The following ARIH1 variants were observed in gnomAD, a reference collection of about 807,000 sequenced individuals.
ARIH1 encodes the protein ariadne RBR E3 ubiquitin protein ligase 1, also known as E3 ubiquitin-protein ligase ARIH1.
In ARIH1, 8 loss-of-function variants were observed where a neutral mutation model predicts 85.0. The observed-to-expected ratio is 0.09, with a 90% CI of 0.06 to 0.17. ARIH1 has a LOEUF of 0.17. Ranked by LOEUF, ARIH1 falls within the 10% of genes least tolerant of loss-of-function variation. The pLI is 1.00. For missense variants in ARIH1, 311 were observed against 718.1 expected (o/e 0.43, Z 6.48); for synonymous variants, 238 against 253.6 (o/e 0.94, Z 0.59).
At chr15:72,496,119 G>A (rs1447324480) in intron 1 of ARIH1, among the ~76,000 whole-genome samples, 1 of 152,054 alleles carries the variant, frequency 6.6e-6, no homozygotes, top group African/African-American at 2.4e-5. Context: ...GCCCAGGCTA[G>A]TCTCAAACTC....
chr15:72,550,151 A>G (rs1299245095), intron 3 of ARIH1, among the ~76,000 whole-genome samples: 1 of 152,176 alleles, frequency 6.6e-6, no homozygotes, highest in African/African-American at 2.4e-5. Context: ...TTATTTTTCT[A>G]ACTTGTTTAA....
At position 72,544,919 on chromosome 15, in the gene ARIH1, A is replaced by C; in HGVS notation, c.543A>C (p.Ala181=). ...RTRQMNTRSS[A]QDMPCQICYL... is the part of the protein sequence containing the mutation. ...GCCAGATGAATACAAGGTCATCAGC[A>C]CAGGATATGCCTTGTCAGATCTGCT... The change falls in exon 3 of 14, where the codon GCA becomes GCC. Residue 181 remains alanine, a synonymous_variant. Transcript: ENST00000379887. The C allele has an allele frequency of 6.2e-7, 1 of 1,612,468 alleles. No homozygotes were observed. Among genetic ancestry groups the C allele is most frequent in the Non-Finnish European group, 8.5e-7 (1 of 1,178,820 alleles).
chr15:72,483,213 C>T (rs1339541533), intron 1 of ARIH1, among the ~76,000 whole-genome samples: 1 of 152,138 alleles, frequency 6.6e-6, no homozygotes, highest in Non-Finnish European at 1.5e-5. Context: ...TCCGAGCTCA[C>T]TCATTTGGCT....
At chr15:72,560,456 T>C (rs1214004440) in intron 5 of ARIH1, among the ~76,000 whole-genome samples, 1 of 152,204 alleles carries the variant, frequency 6.6e-6, no homozygotes, top group East Asian at 1.9e-4. Flanking sequence ...GTTTCTGATA[T>C]CTATTTTACA....
intron 1 of ARIH1, among the ~76,000 whole-genome samples, chr15:72,499,017 G>C (rs1440349121): frequency 8.7e-6 from 1 of 114,608 alleles, no homozygotes; most frequent in African/African-American, 4.3e-5. Context: ...GTCTTGCTCT[G>C]TCACCCAGGC....
intron 1 of ARIH1, among the ~76,000 whole-genome samples, chr15:72,494,558 A>T (rs907690574): frequency 2.0e-5 from 3 of 152,210 alleles, no homozygotes; most frequent in Non-Finnish European, 4.4e-5. Context: ...TGATCAGATT[A>T]TGAAAGCTTT....
rs1472290589 is a variant in ARIH1 at position 72,584,763 on chromosome 15, A to G, written c.*1471A>G. ...TGTCCATTTTTATGAAATTCCTACTAAGAGCTATGTTAAAAGTAAAGGATG... is the reference window on the plus strand; with the variant it reads ...TGTCCATTTTTATGAAATTCCTACTGAGAGCTATGTTAAAAGTAAAGGATG... On this transcript the variant is annotated 3_prime_UTR_variant, in exon 14 of 14. Coordinates refer to ENST00000379887, the MANE Select transcript of ARIH1 (RefSeq NM_005744.5). 3 of 151,996 alleles carry G rather than the reference A, an allele frequency of 2.0e-5. No homozygotes were observed. Among genetic ancestry groups the G allele is most frequent in the African/African-American group, 7.3e-5 (3 of 41,370 alleles). 9.4% of individuals were successfully genotyped at this position (151,996 alleles called of 1,614,324 possible).
intron 1 of ARIH1, among the ~76,000 whole-genome samples, chr15:72,508,249 A>T (rs899809997): frequency 1.3e-5 from 2 of 152,234 alleles, no homozygotes; most frequent in East Asian, 3.8e-4. Flanking sequence ...TGCTGCTAGT[A>T]TTAGTACTAG....
intron 2 of ARIH1, among the ~76,000 whole-genome samples, chr15:72,533,760 A>G (rs1033397419): frequency 2.6e-5 from 4 of 152,114 alleles, no homozygotes; most frequent in Admixed American, 6.5e-5. Flanking sequence ...TTAAACAATT[A>G]GCTATGCATG....
At chr15:72,538,337 G>C (rs2064091891) in intron 2 of ARIH1, among the ~76,000 whole-genome samples, 1 of 150,664 alleles carries the variant, frequency 6.6e-6, no homozygotes, top group Non-Finnish European at 1.5e-5. Flanking sequence ...CTGGGTGACA[G>C]AGAGAGACTT....
intron 6 of ARIH1, among the ~76,000 whole-genome samples, chr15:72,562,628 A>G (rs1472584567): frequency 6.6e-6 from 1 of 151,458 alleles, no homozygotes; most frequent in Admixed American, 6.6e-5. Context: ...CCTTCTTACA[A>G]GAGCTTTTTA....
chr15:72,520,671 T>C (rs2063995614), intron 2 of ARIH1, among the ~76,000 whole-genome samples: 1 of 152,210 alleles, frequency 6.6e-6, no homozygotes, highest in South Asian at 2.1e-4. Flanking sequence ...ATTTCAGTTT[T>C]TCTAGTCACT....
chr15:72,565,312 ACTC>A (rs1230603978), intron 7 of ARIH1, among the ~76,000 whole-genome samples: 1 of 151,634 alleles, frequency 6.6e-6, no homozygotes, highest in African/African-American at 2.4e-5. Flanking sequence ...CTGGTCTTGA[ACTC>A]CTGGCCTCAA....
chr15:72,552,825 A>C (rs946932611), intron 3 of ARIH1, among the ~76,000 whole-genome samples: 1 of 148,558 alleles, frequency 6.7e-6, no homozygotes, highest in Non-Finnish European at 1.5e-5. Context: ...CCCAAGCTGG[A>C]GTGCGGTGGT....
chr15:72,559,632 C>T (rs1455470940), intron 5 of ARIH1, among the ~76,000 whole-genome samples: 3 of 152,142 alleles, frequency 2.0e-5, no homozygotes, highest in Non-Finnish European at 4.4e-5. Flanking sequence ...TATTATTCTA[C>T]AAACATCACC....
At chr15:72,480,666 G>A (rs759983349) in intron 1 of ARIH1, among the ~76,000 whole-genome samples, 13 of 152,138 alleles carry the variant, frequency 8.5e-5, no homozygotes, top group Non-Finnish European at 1.9e-4. Context: ...CCAGGTTCAA[G>A]CGATTCTCCT....
chr15:72,526,876 T>TTTA (rs397727992), intron 2 of ARIH1, among the ~76,000 whole-genome samples: 1 of 149,812 alleles, frequency 6.7e-6, no homozygotes, highest in Non-Finnish European at 1.5e-5. Flanking sequence ...TTTTTTTTTT[T>TTTA]AAATCTCTGC....
chr15:72,593,336 C>T lies in ARIH1; in HGVS notation c.*10044C>T, dbSNP rs1336734611. The T allele has an allele frequency of 1.3e-5, 2 of 152,102 alleles. No individual in the cohort carries two copies. The highest frequency in any genetic ancestry group is 1.9e-4 in the East Asian group (1 of 5,194). The allele number at this position is 152,102 out of a possible 1,614,324, so 9.4% of individuals were successfully genotyped here. A position where few individuals can be genotyped will look rare whatever the true frequency, so the allele number is the denominator to read the frequency against. On this transcript the variant is annotated 3_prime_UTR_variant, in exon 14 of 14. Transcript: ENST00000379887. Reference sequence around the variant, plus strand: ...ATTTTTTAAAGACTCTATGTATTCACTTATTGGGATCTTTCGATGAACAAA... The same window carrying T: ...ATTTTTTAAAGACTCTATGTATTCATTTATTGGGATCTTTCGATGAACAAA...
In ARIH1 at chr15:72,582,004, AC is replaced by A; in HGVS notation, c.1477-70del. 9.1e-7 allele frequency: 1 copy of A among 1,096,492 alleles called. No individual in the cohort carries two copies. The highest frequency in any genetic ancestry group is 1.4e-5 in the South Asian group (1 of 72,230). The allele number at this position is 1,096,492 out of a possible 1,614,324, so 67.9% of individuals were successfully genotyped here. Reference sequence around the variant, plus strand: ...GAGTGTTGAGAGCAGTCTGTAGTCAACAAAACAGTGAAAATGGTTTATCTTT... The same window carrying A: ...GAGTGTTGAGAGCAGTCTGTAGTCAAAAAACAGTGAAAATGGTTTATCTTT... On this transcript the variant is annotated intron_variant, in intron 12 of 13. Coordinates refer to ENST00000379887, the MANE Select transcript of ARIH1 (RefSeq NM_005744.5). The surrounding 1 kb of genome is among the most constrained non-coding windows in gnomAD (Gnocchi z 4.6).
Sources: allele counts gnomAD v4.1 joint callset (sites outside exome capture counted in the v4.1 genomes callset), GRCh38; gene constraint gnomAD v4.1.1; non-coding constraint Gnocchi (gnomAD v3.1); transcripts MANE v1.5; gene names NCBI Gene and HGNC (gene_info 2026-07-23, HGNC 2026-07-21).